The following FAM120C variants were observed in gnomAD, a reference collection of about 807,000 sequenced individuals.
The protein encoded by FAM120C is family with sequence similarity 120 member C, also known as constitutive coactivator of PPAR-gamma-like protein 2.
Under a neutral mutation model 71.2 loss-of-function variants are expected in FAM120C, and 14 were observed. The observed-to-expected ratio is 0.20, with a 90% CI of 0.13 to 0.31. The LOEUF is 0.31. Among genes scored for constraint, FAM120C ranks in the 10% least tolerant of loss-of-function variants. FAM120C has a pLI of 1.00. For synonymous variants in FAM120C, 354 were observed against 353.2 expected (o/e 1.00, Z -0.03); for missense variants, 500 against 879.0 (o/e 0.57, Z 5.45).
In FAM120C at chrX:54,129,280, C is replaced by T. The variant is rs782427532; in HGVS notation, c.2062+3412G>A. On this transcript the variant is annotated intron_variant, in intron 9 of 15. Coordinates refer to ENST00000375180, the MANE Select transcript of FAM120C (RefSeq NM_017848.6). ...CTTCTCAGACGGGGCGGCTGCCGGG[C>T]GGAGGGTCTCCTCACTTCTCAGACG... Among the ~76,000 whole-genome samples, 50 of 102,097 alleles carry T rather than the reference C, an allele frequency of 4.9e-4. No homozygotes were observed. In the South Asian group the frequency reaches 0.018, roughly 36 times the overall value. 88.7% of individuals were successfully genotyped at this position (102,097 alleles called of 115,157 possible).
chrX:54,068,472 C>G lies in FAM120C; in HGVS notation c.*4561G>C, dbSNP rs1322604945. 1 of 111,464 alleles carries G rather than the reference C, an allele frequency of 9.0e-6. No homozygotes were observed. The highest frequency in any genetic ancestry group is 1.9e-5 in the Non-Finnish European group (1 of 53,198). The allele number at this position is 111,464 out of a possible 1,213,427, so 9.2% of individuals were successfully genotyped here. On this transcript the variant is annotated 3_prime_UTR_variant, in exon 16 of 16. Transcript: ENST00000375180. ...TTCCTTTCTGAAACTCTTCCATTAA[C>G]TCCTGAAGTTTCCCCAAAGAAGCAT...
chrX:54,107,293 C>T (rs1390847841), intron 10 of FAM120C, among the ~76,000 whole-genome samples: 2 of 108,633 alleles, frequency 1.8e-5, no homozygotes, highest in African/African-American at 3.3e-5. Context: ...GACGGGGTTT[C>T]GCCATGTTAG....
chrX:54,107,512 T>C lies in FAM120C; in HGVS notation c.2312+9033A>G, dbSNP rs782072479. On this transcript the variant is annotated intron_variant, in intron 10 of 15. Coordinates refer to ENST00000375180, the MANE Select transcript of FAM120C (RefSeq NM_017848.6). ...CAGTAGGAAGAATAAATCTTTATCA[T>C]TATTCTTTAAAAAAATTTTTTTTTT... is the stretch of plus-strand genomic sequence containing the variant. 8.2e-5 allele frequency among the ~76,000 whole-genome samples: 9 copies of C among 109,171 alleles called. No homozygotes were observed. In the Admixed American group the frequency reaches 9.0e-4, roughly 11 times the overall value. 94.8% of individuals were successfully genotyped at this position (109,171 alleles called of 115,157 possible).
intron 10 of FAM120C, among the ~76,000 whole-genome samples, chrX:54,100,081 T>A (rs782436668): frequency 8.9e-6 from 1 of 112,119 alleles, no homozygotes; most frequent in Non-Finnish European, 1.9e-5. Context: ...GATCTTAGAA[T>A]TGGCCTGTAA....
intron 10 of FAM120C, among the ~76,000 whole-genome samples, chrX:54,103,755 CTTTTTTTT>C (rs11295052): frequency 1.0e-5 from 1 of 98,457 alleles, no homozygotes; most frequent in East Asian, 3.1e-4. Context: ...CAAAACACCT[CTTTTTTTT>C]TTTTTTCCAA....
chrX:54,109,615 TAA>T (rs1311020135), intron 10 of FAM120C, among the ~76,000 whole-genome samples: 38 of 64,668 alleles, frequency 5.9e-4, no homozygotes, highest in Middle Eastern at 0.011. Context: ...ACCCTGGCTA[TAA>T]AAAAAAAAAA....
At chrX:54,152,048 C>T (rs2067186492) in intron 3 of FAM120C, among the ~76,000 whole-genome samples, 1 of 106,852 alleles carries the variant, frequency 9.4e-6, no homozygotes, top group Non-Finnish European at 1.9e-5. Context: ...GACAGAGTCT[C>T]ACTCTGTCAT....
intron 1 of FAM120C, among the ~76,000 whole-genome samples, chrX:54,176,107 G>GT (rs1261469588): frequency 1.8e-5 from 2 of 111,402 alleles, no homozygotes; most frequent in Non-Finnish European, 3.8e-5. Flanking sequence ...CACTGAGCCT[G>GT]TTTTTTTGTT....
rs781951252 is a variant in FAM120C, at chrX:54,133,127, G to A, written c.1891-264C>T. 5.4e-5 allele frequency among the ~76,000 whole-genome samples: 6 copies of A among 111,651 alleles called. No individual in the cohort carries two copies. The South Asian group carries it at 1.9e-3, about 35-fold the overall frequency. ...AGCACTTTGAGAGGCTGAGGCGGGT[G>A]GATCACCTGAGGTCAGGAGTTCTAG... On this transcript the variant is annotated intron_variant, in intron 8 of 15. Transcript: ENST00000375180.
At chrX:54,093,567 T>C (rs1368472764) in intron 10 of FAM120C, among the ~76,000 whole-genome samples, 3 of 111,790 alleles carry the variant, frequency 2.7e-5, no homozygotes, top group Non-Finnish European at 5.6e-5. Flanking sequence ...TTAATAGATG[T>C]TTGCTGAACA....
intron 10 of FAM120C, among the ~76,000 whole-genome samples, chrX:54,103,866 T>C (rs1386249038): frequency 9.0e-6 from 1 of 111,419 alleles, no homozygotes; most frequent in Non-Finnish European, 1.9e-5. Context: ...CCTGATGGAC[T>C]TTAGAATTAT....
At position 54,071,250 on chromosome X, in the gene FAM120C, G is replaced by GATTT. The variant is rs2066707475; in HGVS notation, c.*1782_*1783insAAAT. On this transcript the variant is annotated 3_prime_UTR_variant, in exon 16 of 16. Transcript: ENST00000375180. ...AACTGGAAATGCAAGGTTGTCTCAA[G>GATTT]ATTATCTCCAGCAAGGAGGAATAGC... The GATTT allele has an allele frequency of 8.9e-6, 1 of 112,359 alleles. No homozygotes were observed. The highest frequency in any genetic ancestry group is 1.9e-5 in the Non-Finnish European group (1 of 53,279). The allele number at this position is 112,359 out of a possible 1,213,427, so 9.3% of individuals were successfully genotyped here.
At chrX:54,097,337 C>A (rs781983467) in intron 10 of FAM120C, among the ~76,000 whole-genome samples, 1 of 111,870 alleles carries the variant, frequency 8.9e-6, no homozygotes, top group Non-Finnish European at 1.9e-5. Context: ...TATACCTTTA[C>A]AGTAAGATAG....
intron 9 of FAM120C, among the ~76,000 whole-genome samples, chrX:54,129,388 C>T (rs1257930308): frequency 6.6e-5 from 7 of 106,238 alleles, no homozygotes; most frequent in Admixed American, 9.9e-5. Flanking sequence ...GACGGGGCGG[C>T]GGGGCAGAGG....
At chrX:54,140,530 G>C (rs1273906245) in intron 4 of FAM120C, among the ~76,000 whole-genome samples, 9 of 104,996 alleles carry the variant, frequency 8.6e-5, no homozygotes, top group Non-Finnish European at 1.7e-4. Flanking sequence ...TGAGGCAGGA[G>C]AATCACTTGA....
intron 10 of FAM120C, among the ~76,000 whole-genome samples, chrX:54,111,325 G>A (rs1341127628): frequency 1.8e-5 from 2 of 111,150 alleles, no homozygotes; most frequent in African/African-American, 6.5e-5. Flanking sequence ...ACATCCAAAT[G>A]GGAAAAGAGA....
intron 8 of FAM120C, among the ~76,000 whole-genome samples, chrX:54,133,562 C>T (rs1326316977): frequency 8.9e-6 from 1 of 112,052 alleles, no homozygotes; most frequent in Non-Finnish European, 1.9e-5. Flanking sequence ...AATTACACTT[C>T]TCTTCTAGGG....
intron 4 of FAM120C, among the ~76,000 whole-genome samples, chrX:54,145,995 A>T (rs1420510651): frequency 8.9e-6 from 1 of 112,040 alleles, no homozygotes; most frequent in African/African-American, 3.2e-5. Context: ...GGATGAGTTC[A>T]CGTCCTTTGT....
In FAM120C at chrX:54,098,494, G is replaced by A. The variant is rs144310316; in HGVS notation, c.2313-7068C>T. On this transcript the variant is annotated intron_variant, in intron 10 of 15. Transcript: ENST00000375180. ...TGTCTTCTTTTTAAATCTCCCACCC[G>A]ATCCCTTGTCTTTTTGATTATAGCA... is the stretch of plus-strand genomic sequence containing the variant. Among the ~76,000 whole-genome samples the A allele has an allele frequency of 9.1e-4, 102 of 111,544 alleles. No homozygotes were observed. In the East Asian group the frequency reaches 0.021, roughly 23 times the overall value.
Sources: gnomAD v4.1 joint callset for allele counts (sites outside exome capture counted in the v4.1 genomes callset) on GRCh38, gnomAD v4.1.1 for gene constraint, MANE v1.5 for transcripts, NCBI Gene and HGNC (gene_info 2026-07-23, HGNC 2026-07-21) for gene names.